The following MRPS35 variants were observed in gnomAD, a reference collection of about 807,000 sequenced individuals.
MRPS35 encodes the protein mitochondrial ribosomal protein S35, also known as small ribosomal subunit protein mS35.
A neutral mutation model predicts 32.7 loss-of-function variants in MRPS35; 29 were observed. That is an observed-to-expected ratio of 0.89 (90% CI 0.66 to 1.21). The LOEUF (loss-of-function observed/expected upper bound fraction) is 1.21, where lower values mean the gene tolerates loss of function less well. Among genes scored for constraint, MRPS35 ranks in the 50% most tolerant of loss-of-function variants. The pLI is 0.00. For synonymous variants in MRPS35, 148 were observed against 139.3 expected, an observed-to-expected ratio of 1.06 and a Z score of -0.44; for missense variants, 373 against 383.8, an observed-to-expected ratio of 0.97 and a Z score of 0.23.
At chr12:27,745,925 G>T (rs547243826) in intron 7 of MRPS35, among the ~76,000 whole-genome samples, 1 of 152,108 alleles carries the variant, frequency 6.6e-6, no homozygotes, top group Admixed American at 6.6e-5. Context: ...ATAGTATTCC[G>T]TGGTGTATAT....
intron 7 of MRPS35, among the ~76,000 whole-genome samples, chr12:27,752,265 G>C (rs535847073): frequency 6.6e-6 from 1 of 152,130 alleles, no homozygotes; most frequent in African/African-American, 2.4e-5. Flanking sequence ...AGTATTCGAG[G>C]CTCACCTGGC....
intron 2 of MRPS35, among the ~76,000 whole-genome samples, chr12:27,715,538 C>T (rs568101750): frequency 6.6e-6 from 1 of 152,142 alleles, no homozygotes; most frequent in Non-Finnish European, 1.5e-5. Flanking sequence ...GGAATCTAAA[C>T]GATAAGGTCA....
chr12:27,728,281 AT>A (rs2061908285), intron 5 of MRPS35, among the ~76,000 whole-genome samples: 1 of 152,038 alleles, frequency 6.6e-6, no homozygotes, highest in Non-Finnish European at 1.5e-5. Flanking sequence ...TCTTTTTTAA[AT>A]TTTTTATTAT....
chr12:27,716,510 G>A lies in MRPS35; in HGVS notation c.321+52G>A, dbSNP rs755031134. 2.5e-6 allele frequency: 4 copies of A among 1,582,902 alleles called. No homozygotes were observed. The East Asian group carries it at 9.0e-5, about 35-fold the overall frequency. On this transcript the variant is annotated intron_variant, in intron 3 of 7. Transcript: ENST00000081029. Reference sequence around the variant, plus strand: ...TCAGACTTACATAGAAATAAATGCTGATCTTCCCCCCTATTTCTGCTCTCT... The same window carrying A: ...TCAGACTTACATAGAAATAAATGCTAATCTTCCCCCCTATTTCTGCTCTCT...
chr12:27,739,304 A>T (rs528118603), intron 7 of MRPS35, among the ~76,000 whole-genome samples: 3 of 152,366 alleles, frequency 2.0e-5, no homozygotes, highest in Admixed American at 6.5e-5. Context: ...AGGCAAAAAA[A>T]ATATACTCCT....
intron 7 of MRPS35, among the ~76,000 whole-genome samples, chr12:27,744,373 C>G (rs1440469380): frequency 6.6e-6 from 1 of 152,014 alleles, no homozygotes; most frequent in African/African-American, 2.4e-5. Flanking sequence ...GCAGGCGGAT[C>G]ACTTGAGGCC....
At chr12:27,718,535 A>G (rs2061860166) in intron 3 of MRPS35, among the ~76,000 whole-genome samples, 1 of 152,360 alleles carries the variant, frequency 6.6e-6, no homozygotes, top group East Asian at 1.9e-4. Flanking sequence ...GATGTTTAAC[A>G]TTATTCAAGA....
intron 1 of MRPS35, among the ~76,000 whole-genome samples, chr12:27,711,191 T>C (rs2061820080): frequency 6.6e-6 from 1 of 152,224 alleles, no homozygotes. Flanking sequence ...CTCAGAAAGC[T>C]TACATCCCCC....
intron 5 of MRPS35, among the ~76,000 whole-genome samples, chr12:27,727,834 A>G (rs772884754): frequency 3.3e-5 from 5 of 152,106 alleles, no homozygotes; most frequent in Admixed American, 6.5e-5. Context: ...TTGTAAATTC[A>G]TAGATCTGTG....
intron 7 of MRPS35, among the ~76,000 whole-genome samples, chr12:27,749,739 G>A (rs918900805): frequency 6.6e-6 from 1 of 152,152 alleles, no homozygotes; most frequent in Non-Finnish European, 1.5e-5. Context: ...CCTCTTTGAA[G>A]TTGTATTATT....
intron 3 of MRPS35, among the ~76,000 whole-genome samples, 162 bp from the exon 4 acceptor site, chr12:27,719,646 C>T (rs1479860737): frequency 6.7e-6 from 1 of 148,394 alleles, no homozygotes; most frequent in Non-Finnish European, 1.5e-5. Flanking sequence ...GCAGTCCGGC[C>T]TGGGCGACAG....
intron 7 of MRPS35, among the ~76,000 whole-genome samples, chr12:27,744,232 C>T (rs375997898): frequency 2.0e-5 from 3 of 152,256 alleles, no homozygotes; most frequent in Admixed American, 6.5e-5. Context: ...TAGCAGGGAT[C>T]TGACCTATTG....
At chr12:27,754,630 G>A (rs1484013381) in intron 7 of MRPS35, among the ~76,000 whole-genome samples, 2 of 152,010 alleles carry the variant, frequency 1.3e-5, no homozygotes, top group Non-Finnish European at 2.9e-5. Flanking sequence ...AGCCAGGCAT[G>A]GTGGTGGGCG....
chr12:27,714,523 T>C (rs1336725777), intron 1 of MRPS35, among the ~76,000 whole-genome samples: 1 of 148,686 alleles, frequency 6.7e-6, no homozygotes, highest in East Asian at 2.0e-4. Flanking sequence ...GAGGTAGAGG[T>C]TGCAGTGAGC....
intron 7 of MRPS35, among the ~76,000 whole-genome samples, chr12:27,745,125 CT>C (rs1390045506): frequency 6.6e-6 from 1 of 152,174 alleles, no homozygotes; most frequent in East Asian, 1.9e-4. Context: ...CATGTTCCAT[CT>C]TTTAAAAGTG....
chr12:27,750,573 C>G (rs1232387924), intron 7 of MRPS35, among the ~76,000 whole-genome samples: 1 of 152,116 alleles, frequency 6.6e-6, no homozygotes, highest in African/African-American at 2.4e-5. Flanking sequence ...GAGGCCAAGG[C>G]AGGTGGATCA....
At chr12:27,733,903 C>T (rs1035598284) in intron 5 of MRPS35, among the ~76,000 whole-genome samples, 23 of 152,154 alleles carry the variant, frequency 1.5e-4, no homozygotes, top group African/African-American at 5.6e-4. Context: ...TATATCCTCC[C>T]TTTTAAAAAT....
chr12:27,714,736 A>G (rs1327506018), intron 1 of MRPS35, 44 bp from the exon 2 acceptor site: 4 of 1,470,380 alleles, frequency 2.7e-6, no homozygotes, highest in Non-Finnish European at 2.8e-6. Context: ...CTAACTTGAC[A>G]TGATAAAATT....
In MRPS35 at chr12:27,744,867, G is replaced by GTT. The variant is rs35340427; in HGVS notation, c.702+7266_702+7267dup. On this transcript the variant is annotated intron_variant, in intron 7 of 7. Coordinates refer to ENST00000081029, the MANE Select transcript of MRPS35 (RefSeq NM_021821.4). Reference sequence around the variant, plus strand: ...TAACTGGGTCTCTGTCTCTGACTTTGTTTTTTTTAACTCTGTGCTGCTTCA... The same window carrying GTT: ...TAACTGGGTCTCTGTCTCTGACTTTGTTTTTTTTTTAACTCTGTGCTGCTTCA... Among the ~76,000 whole-genome samples, 25 of 151,846 alleles carry GTT rather than the reference G, an allele frequency of 1.6e-4. 1 individual carries two copies. Among genetic ancestry groups the GTT allele is most frequent in the South Asian group, 1.5e-3 (7 of 4,808 alleles).
Sources: allele counts gnomAD v4.1 joint callset (sites outside exome capture counted in the v4.1 genomes callset), GRCh38; gene constraint gnomAD v4.1.1; transcripts MANE v1.5; gene names NCBI Gene and HGNC (gene_info 2026-07-23, HGNC 2026-07-21).